Variants in HYDIN observed in about 807,000 individuals in gnomAD.
HYDIN encodes the protein HYDIN axonemal central pair apparatus protein, also known as axonemal central pair apparatus protein HYDIN.
Under a neutral mutation model 403.9 loss-of-function variants are expected in HYDIN, and 132 were observed. The ratio of observed to expected loss-of-function variants is 0.33; its 90% CI spans 0.28 to 0.38. The LOEUF is 0.38. HYDIN is among the 10% of genes least tolerant of loss of function. The pLI, the probability that HYDIN is intolerant of heterozygous loss-of-function variation, is 1.00. For synonymous variants in HYDIN, 1,202 were observed against 1,891.7 expected (o/e 0.64, Z 9.46); for missense variants, 2,827 against 5,009.5 (o/e 0.56, Z 13.15).
intron 77 of HYDIN, among the ~76,000 whole-genome samples, chr16:70,837,126 A>G (rs1195382217): frequency 1.3e-5 from 2 of 152,214 alleles, no homozygotes; most frequent in African/African-American, 4.8e-5. Context: ...ACAAGAAGGA[A>G]ATGAATGAGC....
chr16:70,847,311 C>G (rs975550955), intron 75 of HYDIN, among the ~76,000 whole-genome samples: 2 of 152,218 alleles, frequency 1.3e-5, no homozygotes, highest in African/African-American at 4.8e-5. Context: ...TCTTTTAAAT[C>G]AGATAGAAAA....
At chr16:71,125,729 C>A (rs1194068465) in intron 9 of HYDIN, among the ~76,000 whole-genome samples, 1 of 152,090 alleles carries the variant, frequency 6.6e-6, no homozygotes, top group Non-Finnish European at 1.5e-5. Flanking sequence ...AATGTCTCAC[C>A]TCACCATCAA....
rs947037906 is a variant in HYDIN, at chr16:71,222,517, T to C, written c.-24+8045A>G. 2.6e-5 allele frequency among the ~76,000 whole-genome samples: 4 copies of C among 151,956 alleles called. No individual in the cohort carries two copies. The South Asian group carries it at 8.3e-4, about 32-fold the overall frequency. On this transcript the variant is annotated intron_variant, in intron 1 of 85. Transcript: ENST00000393567. ...CAGCAAGAGAAAAAAATAAAGGGCA[T>C]CCAAATTGGAAAAGAAGTCAAACTG...
intron 10 of HYDIN, among the ~76,000 whole-genome samples, chr16:71,107,897 T>C (rs1166434073): frequency 1.3e-5 from 2 of 152,120 alleles, no homozygotes; most frequent in Non-Finnish European, 2.9e-5. Context: ...CTAGTCACAA[T>C]AGCAAAGACG....
At chr16:71,067,651 T>C (rs557909845) in intron 14 of HYDIN, among the ~76,000 whole-genome samples, 19 of 152,150 alleles carry the variant, frequency 1.2e-4, no homozygotes, top group African/African-American at 4.1e-4. Context: ...AGAAGCCACA[T>C]ACCTGCATAA....
chr16:71,229,285 C>A (rs978604107), intron 1 of HYDIN, among the ~76,000 whole-genome samples: 7 of 152,014 alleles, frequency 4.6e-5, no homozygotes, highest in Non-Finnish European at 8.8e-5. Context: ...TGCACATATA[C>A]CCTAGAACTT....
At chr16:71,193,349 G>C (rs997409131) in intron 1 of HYDIN, among the ~76,000 whole-genome samples, 2 of 152,174 alleles carry the variant, frequency 1.3e-5, no homozygotes, top group African/African-American at 4.8e-5. Context: ...CTACTTAACA[G>C]AGTCCAGGTT....
chr16:70,843,290 C>G (rs202157066), intron 75 of HYDIN, among the ~76,000 whole-genome samples: 7 of 144,076 alleles, frequency 4.9e-5, no homozygotes, highest in Middle Eastern at 3.2e-3. Flanking sequence ...AGAATATGTG[C>G]TGTTTGGTTT....
chr16:70,961,900 T>C (rs2078430692), intron 38 of HYDIN, 59 bp downstream of exon 38: 1 of 1,018,048 alleles, frequency 9.8e-7, no homozygotes, highest in Non-Finnish European at 1.4e-6. Flanking sequence ...GTACTGAATA[T>C]TGTCTTCCTA....
chr16:71,016,034 A>T, intron 23 of HYDIN, among the ~76,000 whole-genome samples: 1 of 151,908 alleles, frequency 6.6e-6, no homozygotes, highest in Non-Finnish European at 1.5e-5. Flanking sequence ...AGTGCTACAC[A>T]TACTCAATGT....
At chr16:71,206,038 C>T (rs2088279559) in intron 1 of HYDIN, among the ~76,000 whole-genome samples, 1 of 152,180 alleles carries the variant, frequency 6.6e-6, no homozygotes, top group Non-Finnish European at 1.5e-5. Flanking sequence ...CCTCCTATTG[C>T]TTTGGAAACA....
chr16:70,901,368 T>C (rs1203624176), intron 52 of HYDIN, among the ~76,000 whole-genome samples, 166 bp from the exon 53 acceptor site: 1 of 151,758 alleles, frequency 6.6e-6, no homozygotes, highest in Admixed American at 6.6e-5. Flanking sequence ...ACCCAGGTCC[T>C]AAGCCTAGTA....
rs1445872522 is a variant in HYDIN at position 70,805,903 on chromosome 16, T to C, written c.*1677A>G. Among the ~76,000 whole-genome samples the C allele has an allele frequency of 6.6e-6, 1 of 152,204 alleles. No homozygotes were observed. Among genetic ancestry groups the C allele is most frequent in the Non-Finnish European group, 1.5e-5 (1 of 68,032 alleles). ...AAAAATTCATACTTTTTAAATGGCA[T>C]GCTGTTCTGAATAACTTGAGGAAAT... On this transcript the variant is annotated 3_prime_UTR_variant, in exon 86 of 86. Coordinates refer to ENST00000393567, the MANE Select transcript of HYDIN (RefSeq NM_001270974.2).
intron 2 of HYDIN, among the ~76,000 whole-genome samples, chr16:71,185,576 G>A (rs1227556050): frequency 6.6e-6 from 1 of 151,972 alleles, no homozygotes; most frequent in Non-Finnish European, 1.5e-5. Flanking sequence ...AAAGAGCTCT[G>A]AGCTAATCAG....
At chr16:71,100,712 T>C (rs2083433718) in intron 10 of HYDIN, among the ~76,000 whole-genome samples, 1 of 152,196 alleles carries the variant, frequency 6.6e-6, no homozygotes, top group Non-Finnish European at 1.5e-5. Context: ...GGCTGAATAA[T>C]GCCCTCCAAA....
At chr16:70,914,870 A>T (rs1597307955) in intron 47 of HYDIN, among the ~76,000 whole-genome samples, 1 of 103,928 alleles carries the variant, frequency 9.6e-6, no homozygotes, top group East Asian at 2.3e-4. Context: ...GGATTGGGTT[A>T]ATTAGAAGAT....
chr16:71,038,420 C>T (rs1249565684), intron 18 of HYDIN, among the ~76,000 whole-genome samples: 5 of 151,960 alleles, frequency 3.3e-5, no homozygotes, highest in South Asian at 2.1e-4. Flanking sequence ...CAACAATCAC[C>T]GGGAGTGTGG....
chr16:71,063,882 G>A (rs1234184436), intron 16 of HYDIN, among the ~76,000 whole-genome samples: 1 of 150,902 alleles, frequency 6.6e-6, no homozygotes, highest in East Asian at 1.9e-4. Flanking sequence ...AACATCTGAA[G>A]ACAAAATTCT....
At chr16:71,185,059 C>A in intron 2 of HYDIN, 69 bp from the exon 3 acceptor site, 3 of 1,106,042 alleles carry the variant, frequency 2.7e-6, no homozygotes, top group South Asian at 2.0e-5. Context: ...TTCATAAGTA[C>A]CAGTAATGAA....
Sources: allele counts gnomAD v4.1 joint callset (sites outside exome capture counted in the v4.1 genomes callset), GRCh38; gene constraint gnomAD v4.1.1; transcripts MANE v1.5; gene names NCBI Gene and HGNC (gene_info 2026-07-23, HGNC 2026-07-21).